The following PALS2 variants were observed in gnomAD, a reference collection of about 807,000 sequenced individuals.
The protein encoded by PALS2 is protein associated with LIN7 2, MAGUK p55 family member.
A neutral mutation model predicts 61.6 loss-of-function variants in PALS2; 27 were observed. The observed-to-expected ratio is 0.44, with a 90% CI of 0.32 to 0.60. The LOEUF is 0.60. Ranked by LOEUF, PALS2 falls within the 20% of genes least tolerant of loss-of-function variation. The pLI, the probability that PALS2 is intolerant of heterozygous loss-of-function variation, is 0.05. For missense variants in PALS2, 554 were observed against 639.4 expected (o/e 0.87, Z 1.44); for synonymous variants, 236 against 218.6 (o/e 1.08, Z -0.70).
At position 24,593,252 on chromosome 7, in the gene PALS2, A is replaced by C. The variant is rs551999690; in HGVS notation, c.-3+19659A>C. Among the ~76,000 whole-genome samples, 28 of 152,186 alleles carry C rather than the reference A, an allele frequency of 1.8e-4. 3 individuals carry two copies. The South Asian group carries it at 5.8e-3, about 32-fold the overall frequency. On this transcript the variant is annotated intron_variant, in intron 1 of 11. Coordinates refer to ENST00000222644, the MANE Select transcript of PALS2 (RefSeq NM_001303037.2). Reference sequence around the variant, plus strand: ...TCATGAGATTGTAGCCTACATCTTCAGGCTTCACTTCTAATTCTCATTCCC... The same window carrying C: ...TCATGAGATTGTAGCCTACATCTTCCGGCTTCACTTCTAATTCTCATTCCC...
chr7:24,686,292 A>G (rs1321979590), intron 11 of PALS2, among the ~76,000 whole-genome samples: 1 of 152,090 alleles, frequency 6.6e-6, no homozygotes, highest in East Asian at 1.9e-4. Flanking sequence ...GATTCCTGCC[A>G]TCAGTCTCCC....
chr7:24,600,145 A>G (rs1335615099), intron 1 of PALS2, among the ~76,000 whole-genome samples: 14 of 152,150 alleles, frequency 9.2e-5, no homozygotes, highest in Admixed American at 6.5e-5. Flanking sequence ...ATCTATGAAC[A>G]TTCCTCTCTA....
At chr7:24,581,377 T>G (rs1406892094) in intron 1 of PALS2, among the ~76,000 whole-genome samples, 1 of 151,958 alleles carries the variant, frequency 6.6e-6, no homozygotes, top group Non-Finnish European at 1.5e-5. Flanking sequence ...CACAAGATCT[T>G]TAATCACACC....
intron 10 of PALS2, among the ~76,000 whole-genome samples, chr7:24,679,699 C>T (rs567815010): frequency 6.7e-6 from 1 of 148,892 alleles, no homozygotes; most frequent in Admixed American, 6.7e-5. Context: ...CCCCTCCTAC[C>T]TGACACACAT....
At chr7:24,576,032 A>C (rs78797842) in intron 1 of PALS2, among the ~76,000 whole-genome samples, 8,563 of 152,094 alleles carry the variant, frequency 0.056, 326 homozygotes, top group African/African-American at 0.1. Flanking sequence ...GCTGATGTTT[A>C]TTTCAGGAAG....
intron 10 of PALS2, among the ~76,000 whole-genome samples, chr7:24,679,552 C>T (rs1489362783): frequency 1.3e-5 from 2 of 152,026 alleles, no homozygotes; most frequent in Non-Finnish European, 2.9e-5. Flanking sequence ...GCAATAGAAA[C>T]TGTGTGATTA....
chr7:24,691,389 A>ATGTGTGTGTGTGTGTGTGTGTGTGTG lies in PALS2; in HGVS notation c.*3792_*3793insGTGTGTGTGTGTGTGTGTGTGTGTGT, dbSNP rs143537632. ...ATGTTCGAGTTGCCATATATTATGT[A>ATGTGTGTGTGTGTGTGTGTGTGTGTG]TGTGTGTGTGTGTGTGTATATATAT... On this transcript the variant is annotated 3_prime_UTR_variant, in exon 12 of 12. Transcript: ENST00000222644. 2.3e-5 allele frequency: 2 copies of ATGTGTGTGTGTGTGTGTGTGTGTGTG among 87,710 alleles called. No homozygotes were observed. The highest frequency in any genetic ancestry group is 4.5e-5 in the African/African-American group (1 of 22,368). The allele number at this position is 87,710 out of a possible 1,614,324, so 5.4% of individuals were successfully genotyped here. A position where few individuals can be genotyped will look rare whatever the true frequency, so the allele number is the denominator to read the frequency against.
intron 1 of PALS2, among the ~76,000 whole-genome samples, chr7:24,619,725 AAAAAAAAAAAG>A (rs1784423287): frequency 6.6e-6 from 1 of 151,356 alleles, no homozygotes; most frequent in Admixed American, 6.6e-5. Flanking sequence ...CTCAAAAAAA[AAAAAAAAAAAG>A]AAAGAAAAAA....
At chr7:24,672,646 AT>A (rs941857925) in intron 9 of PALS2, among the ~76,000 whole-genome samples, 1 of 151,652 alleles carries the variant, frequency 6.6e-6, no homozygotes, top group Non-Finnish European at 1.5e-5. Context: ...ATTCCTGAGT[AT>A]TTTTTTCTTT....
chr7:24,638,845 A>G (rs1214685018), intron 2 of PALS2, among the ~76,000 whole-genome samples: 1 of 152,182 alleles, frequency 6.6e-6, no homozygotes, highest in Non-Finnish European at 1.5e-5. Context: ...ACACATACTA[A>G]GGAATGGAGT....
intron 1 of PALS2, among the ~76,000 whole-genome samples, chr7:24,592,283 C>T (rs889275228): frequency 9.2e-5 from 14 of 151,968 alleles, no homozygotes; most frequent in African/African-American, 3.4e-4. Flanking sequence ...TAGGTTGGGT[C>T]AGGGAAGGCT....
chr7:24,637,789 A>G (rs940870609), intron 2 of PALS2, among the ~76,000 whole-genome samples: 1 of 152,202 alleles, frequency 6.6e-6, no homozygotes, highest in Non-Finnish European at 1.5e-5. Context: ...TCATTTCTCA[A>G]AGGTGCAGTG....
chr7:24,658,877 G>A (rs903213735), intron 5 of PALS2, among the ~76,000 whole-genome samples: 1 of 151,904 alleles, frequency 6.6e-6, no homozygotes, highest in Non-Finnish European at 1.5e-5. Context: ...AGGTTCAAGG[G>A]GTATGTGTAC....
At chr7:24,652,997 C>T (rs1003463743) in intron 5 of PALS2, among the ~76,000 whole-genome samples, 3 of 152,112 alleles carry the variant, frequency 2.0e-5, no homozygotes, top group South Asian at 2.1e-4. Flanking sequence ...CTTAGATTTC[C>T]GGGGGCTATT....
At chr7:24,650,036 C>T (rs969960807) in intron 4 of PALS2, among the ~76,000 whole-genome samples, 1 of 152,028 alleles carries the variant, frequency 6.6e-6, no homozygotes, top group Admixed American at 6.6e-5. Context: ...TCTTCCTACC[C>T]TTTGAAGACA....
chr7:24,655,630 ATTTTTTT>A lies in PALS2; in HGVS notation c.651+4936_651+4942del, dbSNP rs770410952. Among the ~76,000 whole-genome samples the A allele has an allele frequency of 6.0e-3, 579 of 96,944 alleles. 4 individuals are homozygous for A. The highest frequency in any genetic ancestry group is 0.022 in the African/African-American group (556 of 24,772). The allele number at this position is 96,944 out of a possible 152,430, so 63.6% of individuals were successfully genotyped here. ...TTTGGCCTAGGTTAGTAGTTAGTAGATTTTTTTTTTTTTTTTTTTTTTTTGAGATAGA... is the reference window on the plus strand; with the variant it reads ...TTTGGCCTAGGTTAGTAGTTAGTAGATTTTTTTTTTTTTTTTTGAGATAGA... On this transcript the variant is annotated intron_variant, in intron 5 of 11. Coordinates refer to ENST00000222644, the MANE Select transcript of PALS2 (RefSeq NM_001303037.2).
At chr7:24,662,445 T>C (rs1786772551) in intron 5 of PALS2, among the ~76,000 whole-genome samples, 1 of 152,180 alleles carries the variant, frequency 6.6e-6, no homozygotes. Flanking sequence ...TTTGAATTTC[T>C]ATAAATATAT....
At position 24,662,997 on chromosome 7, in the gene PALS2, A is replaced by G. The variant is rs369727562; in HGVS notation, c.652-593A>G. Among the ~76,000 whole-genome samples, 83 of 152,328 alleles carry G rather than the reference A, an allele frequency of 5.4e-4. 3 individuals are homozygous for G. In the South Asian group the frequency reaches 0.017, roughly 31 times the overall value. On this transcript the variant is annotated intron_variant, in intron 5 of 11. Coordinates refer to ENST00000222644, the MANE Select transcript of PALS2 (RefSeq NM_001303037.2). ...TACACAAATGAATTTAAAATGGAAA[A>G]TAGTTTCGAGACTTCTTCAGTATTT...
chr7:24,647,040 TTTC>T (rs1785869971), intron 3 of PALS2, among the ~76,000 whole-genome samples: 1 of 152,086 alleles, frequency 6.6e-6, no homozygotes, highest in African/African-American at 2.4e-5. Context: ...TCTCCTCTCT[TTTC>T]TTCTTTATTA....
Sources: allele counts gnomAD v4.1 joint callset (sites outside exome capture counted in the v4.1 genomes callset), GRCh38; gene constraint gnomAD v4.1.1; transcripts MANE v1.5; gene names NCBI Gene and HGNC (gene_info 2026-07-23, HGNC 2026-07-21).